Variants in SNX13 observed in about 807,000 individuals in gnomAD.
SNX13 encodes sorting nexin 13.
A neutral mutation model predicts 133.6 loss-of-function variants in SNX13; 45 were observed. The observed-to-expected ratio is 0.34, with a 90% CI of 0.27 to 0.43. The LOEUF is 0.43. SNX13 is among the 20% of genes least tolerant of loss of function. The probability of loss-of-function intolerance (pLI) is 1.00; values close to 1 mark genes in which losing one functional copy is unlikely to be tolerated. For missense variants in SNX13, 1,032 were observed against 1,145.1 expected, an observed-to-expected ratio of 0.90 and a Z score of 1.43; for synonymous variants, 414 against 373.9, an observed-to-expected ratio of 1.11 and a Z score of -1.24.
chr7:17,810,155 G>A (rs964152460), intron 20 of SNX13, among the ~76,000 whole-genome samples: 3 of 151,956 alleles, frequency 2.0e-5, no homozygotes, highest in East Asian at 1.9e-4. Flanking sequence ...CACGAAAAAC[G>A]CTTCAAAAAA....
intron 13 of SNX13, among the ~76,000 whole-genome samples, chr7:17,839,283 C>G (rs1391094563): frequency 6.7e-6 from 1 of 150,068 alleles, no homozygotes; most frequent in Non-Finnish European, 1.5e-5. Flanking sequence ...TTATAATGTT[C>G]CTAAAGTCTT....
At position 17,895,215 on chromosome 7, in the gene SNX13, G is replaced by C. The variant is rs896497655; in HGVS notation, c.126-1781C>G. Among the ~76,000 whole-genome samples, 36 of 152,162 alleles carry C rather than the reference G, an allele frequency of 2.4e-4. 1 individual carries two copies. Among genetic ancestry groups the C allele is most frequent in the Non-Finnish European group, 2.9e-5 (2 of 68,004 alleles). On this transcript the variant is annotated intron_variant, in intron 2 of 25. Transcript: ENST00000428135. ...GATAAAGAGCAGTCTGATTTTAAAA[G>C]AACCTAAATAGTAGTTTCAGCTGTA...
At position 17,891,497 on chromosome 7, in the gene SNX13, T is replaced by C. The variant is rs149722186; in HGVS notation, c.318+49A>G. On this transcript the variant is annotated intron_variant, in intron 4 of 25. Coordinates refer to ENST00000428135, the MANE Select transcript of SNX13 (RefSeq NM_015132.5). The stretch of plus-strand genomic sequence containing the variant: ...TTTCCTGGTATCTTCAAAAGAAATA[T>C]ACCTAGAACACAATATATAGAATTC... The C allele has an allele frequency of 6.8e-4, 924 of 1,359,020 alleles. 3 individuals are homozygous for C. In the African/African-American group the frequency reaches 0.012, roughly 17 times the overall value. 84.2% of individuals were successfully genotyped at this position (1,359,020 alleles called of 1,614,324 possible).
chr7:17,937,044 G>T (rs1220989802), intron 1 of SNX13, among the ~76,000 whole-genome samples: 1 of 140,502 alleles, frequency 7.1e-6, no homozygotes, highest in Non-Finnish European at 1.5e-5. Flanking sequence ...CTAGCTAGAC[G>T]TTACATACAG....
intron 16 of SNX13, among the ~76,000 whole-genome samples, chr7:17,828,152 A>G (rs1284195900): frequency 1.3e-5 from 2 of 151,784 alleles, no homozygotes; most frequent in African/African-American, 4.8e-5. Context: ...TATTTTCATT[A>G]CATATGATGA....
chr7:17,856,001 AT>A (rs1791835398), intron 9 of SNX13, among the ~76,000 whole-genome samples: 1 of 152,240 alleles, frequency 6.6e-6, no homozygotes, highest in Non-Finnish European at 1.5e-5. Context: ...AAATATCAAC[AT>A]TCACAGAAGA....
rs73312157 is a variant in SNX13 at position 17,939,036 on chromosome 7, G to A, written c.12+1248C>T. On this transcript the variant is annotated intron_variant, in intron 1 of 25. Transcript: ENST00000428135. ...CAAACAACTAAAAATACGTACTGTA[G>A]AAGTTACAATCAACCAGTAAGTATT... is the stretch of plus-strand genomic sequence containing the variant. Among the ~76,000 whole-genome samples, 1,215 of 152,248 alleles carry A rather than the reference G, an allele frequency of 8.0e-3. 15 individuals are homozygous for A. Among genetic ancestry groups the A allele is most frequent in the African/African-American group, 0.027 (1,125 of 41,528 alleles).
intron 13 of SNX13, among the ~76,000 whole-genome samples, chr7:17,839,174 A>G (rs34763594): frequency 0.085 from 12,674 of 149,136 alleles, 599 homozygotes; most frequent in South Asian, 0.15. Context: ...TATTCTATAG[A>G]CGCTATAGAT....
At chr7:17,850,705 G>A (rs1791100326) in intron 10 of SNX13, 121 bp downstream of exon 10, 2 of 803,218 alleles carry the variant, frequency 2.5e-6, no homozygotes, top group South Asian at 5.1e-5. Flanking sequence ...ACCTAATAAG[G>A]AAGATTTAAT....
intron 3 of SNX13, among the ~76,000 whole-genome samples, chr7:17,892,411 T>G (rs1288282163): frequency 6.6e-6 from 1 of 151,876 alleles, no homozygotes; most frequent in Admixed American, 6.6e-5. Context: ...ATATTTCCTA[T>G]TCTCTGTATA....
In SNX13 at chr7:17,799,123, A is replaced by G; in HGVS notation, c.2330T>C (p.Leu777Pro). Residue 777 changes from leucine (L) to proline (P), a missense_variant, in exon 23 of 26, where the codon CTG becomes CCG. By Grantham distance (98) the Leu-to-Pro change is moderately conservative. Coordinates refer to ENST00000428135, the MANE Select transcript of SNX13 (RefSeq NM_015132.5). ...VDDNIPLRVM[L>P]LLMDEVFDLK... ...GTCGAATACTTCATCCATGAGAAGCAGCATTACCCTAAGTGGAATATTGTC... is the reference window on the plus strand; with the variant it reads ...GTCGAATACTTCATCCATGAGAAGCGGCATTACCCTAAGTGGAATATTGTC... 6.2e-7 allele frequency: 1 copy of G among 1,609,520 alleles called. No homozygotes were observed. The highest frequency in any genetic ancestry group is 8.5e-7 in the Non-Finnish European group (1 of 1,177,506).
At chr7:17,885,335 AG>A (rs1795864194) in intron 5 of SNX13, among the ~76,000 whole-genome samples, 1 of 151,340 alleles carries the variant, frequency 6.6e-6, no homozygotes, top group African/African-American at 2.4e-5. Context: ...ACCTAGAGCT[AG>A]AAGCTTGGGG....
At chr7:17,806,941 C>T (rs1785369452) in intron 20 of SNX13, among the ~76,000 whole-genome samples, 1 of 152,214 alleles carries the variant, frequency 6.6e-6, no homozygotes, top group Non-Finnish European at 1.5e-5. Context: ...CTACGCTTTT[C>T]CCACAGTCTT....
chr7:17,909,717 G>A (rs1431936870), intron 1 of SNX13, among the ~76,000 whole-genome samples: 1 of 152,138 alleles, frequency 6.6e-6, no homozygotes, highest in Non-Finnish European at 1.5e-5. Context: ...TGTCTGGCAG[G>A]TGTGGATGGG....
At position 17,796,861 on chromosome 7, in the gene SNX13, T is replaced by C; in HGVS notation, c.2592A>G (p.Val864=). 1 of 1,611,142 alleles carries C rather than the reference T, an allele frequency of 6.2e-7. No homozygotes were observed. The highest frequency in any genetic ancestry group is 8.5e-7 in the Non-Finnish European group (1 of 1,178,126). Reference sequence around the variant, plus strand: ...TTGCAAGTAATTTCGTTTTTCCTGCTACTCTTGTTCTCATTCGAATACTTT... The same window carrying C: ...TTGCAAGTAATTTCGTTTTTCCTGCCACTCTTGTTCTCATTCGAATACTTT... ...RDKSIRMRTR[V]AGKTKLLAIM... The change falls in exon 25 of 26, where the codon GTA becomes GTG. Residue 864 remains valine (V), a synonymous_variant. Coordinates refer to ENST00000428135, the MANE Select transcript of SNX13 (RefSeq NM_015132.5).
At chr7:17,870,501 G>A (rs1248847643) in intron 8 of SNX13, among the ~76,000 whole-genome samples, 1 of 152,050 alleles carries the variant, frequency 6.6e-6, no homozygotes, top group Admixed American at 6.6e-5. Flanking sequence ...CGGCCTAAAA[G>A]AGAAATTTAT....
intron 16 of SNX13, among the ~76,000 whole-genome samples, chr7:17,828,812 AT>A (rs762710067): frequency 2.0e-5 from 3 of 151,478 alleles, no homozygotes; most frequent in Admixed American, 6.6e-5. Context: ...AAGAAAAAAA[AT>A]TTTTTACTAG....
chr7:17,925,871 T>C (rs1010167993), intron 1 of SNX13, among the ~76,000 whole-genome samples: 1 of 152,174 alleles, frequency 6.6e-6, no homozygotes, highest in Non-Finnish European at 1.5e-5. Flanking sequence ...TAAAGAAACA[T>C]AACAATCACA....
chr7:17,911,000 C>T (rs914728566), intron 1 of SNX13, among the ~76,000 whole-genome samples: 6 of 152,134 alleles, frequency 3.9e-5, no homozygotes, highest in South Asian at 2.1e-4. Flanking sequence ...GAACTCAATA[C>T]CAATGAATCA....
Sources: gnomAD v4.1 joint callset for allele counts (sites outside exome capture counted in the v4.1 genomes callset) on GRCh38, gnomAD v4.1.1 for gene constraint, MANE v1.5 for transcripts, NCBI Gene and HGNC (gene_info 2026-07-23, HGNC 2026-07-21) for gene names.